AK8: variants seen among roughly 807,000 people sequenced by gnomAD.
AK8 encodes the protein adenylate kinase 8.
In AK8, 44 loss-of-function variants were observed where a neutral mutation model predicts 54.6. The ratio of observed to expected loss-of-function variants is 0.81; its 90% CI spans 0.63 to 1.04. The LOEUF (loss-of-function observed/expected upper bound fraction) is 1.04, where lower values mean the gene tolerates loss of function less well. AK8 is among the 50% of genes least tolerant of loss of function. The probability of loss-of-function intolerance (pLI) is 0.00; values close to 1 mark genes in which losing one functional copy is unlikely to be tolerated. For missense variants in AK8, 555 were observed against 613.6 expected, an observed-to-expected ratio of 0.90 and a Z score of 1.01; for synonymous variants, 239 against 245.6, an observed-to-expected ratio of 0.97 and a Z score of 0.25.
chr9:132,850,398 CT>C (rs71376665), intron 5 of AK8, among the ~76,000 whole-genome samples: 107 of 123,644 alleles, frequency 8.7e-4, no homozygotes, highest in Middle Eastern at 5.4e-3. Flanking sequence ...AACCCTAATA[CT>C]TTTTTTTTTT....
At chr9:132,854,487 G>T (rs1287258345) in intron 5 of AK8, among the ~76,000 whole-genome samples, 41 of 152,226 alleles carry the variant, frequency 2.7e-4, no homozygotes, top group Non-Finnish European at 2.9e-5. Context: ...AGGATAGGAG[G>T]CGAGAGTCTG....
At position 132,859,010 on chromosome 9, in the gene AK8, G is replaced by A. The variant is rs373345707; in HGVS notation, c.334-4085C>T. Among the ~76,000 whole-genome samples, 245 of 152,268 alleles carry A rather than the reference G, an allele frequency of 1.6e-3. 1 individual carries two copies. The highest frequency in any genetic ancestry group is 3.4e-3 in the Middle Eastern group (1 of 294). On this transcript the variant is annotated intron_variant, in intron 4 of 12. Coordinates refer to ENST00000298545, the MANE Select transcript of AK8 (RefSeq NM_152572.3). ...CCAAGCCTTCCAAAAAGGCCTGCTC[G>A]ACGCCACTGCCTGGAGCTGTTGACT...
Position 132,764,693 on chromosome 9 carries a change from G to GCC in AK8, c.1121+27939_1121+27940dup, listed in dbSNP as rs1838641877. 2.0e-5 allele frequency among the ~76,000 whole-genome samples: 3 copies of GCC among 152,150 alleles called. No homozygotes were observed. In the South Asian group the frequency reaches 6.2e-4, roughly 32 times the overall value. ...ATAAAAAGTCTCCCATCACAGAAAA[G>GCC]CCCAGGACTTGATGGCTTCACTGCT... On this transcript the variant is annotated intron_variant, in intron 11 of 12. Coordinates refer to ENST00000298545, the MANE Select transcript of AK8 (RefSeq NM_152572.3).
In AK8 at chr9:132,739,279, G is replaced by A. The variant is rs146642342; in HGVS notation, c.1122-11745C>T. ...AGCCTGGCCAAGACGGTGAGACCCC[G>A]TCTCTACTAAAGATAAGCCAGGTGT... On this transcript the variant is annotated intron_variant, in intron 11 of 12. Transcript: ENST00000298545. Among the ~76,000 whole-genome samples, 822 of 150,658 alleles carry A rather than the reference G, an allele frequency of 5.5e-3. 3 individuals carry two copies. Among genetic ancestry groups the A allele is most frequent in the African/African-American group, 0.019 (770 of 41,082 alleles).
At chr9:132,796,512 G>C (rs954925981) in intron 10 of AK8, among the ~76,000 whole-genome samples, 1 of 152,072 alleles carries the variant, frequency 6.6e-6, no homozygotes, top group Non-Finnish European at 1.5e-5. Context: ...GTTTACAATA[G>C]TGACAACTGG....
chr9:132,775,993 G>A (rs556630955), intron 11 of AK8, among the ~76,000 whole-genome samples: 1 of 152,202 alleles, frequency 6.6e-6, no homozygotes, highest in Admixed American at 6.5e-5. Flanking sequence ...CCTAGCAACA[G>A]GCTGTCATAA....
At chr9:132,810,890 T>C (rs1423226513) in intron 10 of AK8, among the ~76,000 whole-genome samples, 2 of 152,088 alleles carry the variant, frequency 1.3e-5, no homozygotes, top group Admixed American at 6.6e-5. Context: ...AAAGAAAAAT[T>C]AATGGAAAAA....
At chr9:132,772,661 A>T (rs1839035261) in intron 11 of AK8, among the ~76,000 whole-genome samples, 1 of 152,202 alleles carries the variant, frequency 6.6e-6, no homozygotes, top group South Asian at 2.1e-4. Flanking sequence ...TCTCAAGCTT[A>T]TCATGCCCAA....
chr9:132,740,358 C>A (rs1290687749), intron 11 of AK8, among the ~76,000 whole-genome samples: 2 of 152,176 alleles, frequency 1.3e-5, no homozygotes, highest in African/African-American at 4.8e-5. Context: ...CACATGCCTG[C>A]ACAAGGTTAT....
At chr9:132,776,019 G>A (rs1486541430) in intron 11 of AK8, among the ~76,000 whole-genome samples, 4 of 152,160 alleles carry the variant, frequency 2.6e-5, no homozygotes, top group Non-Finnish European at 2.9e-5. Context: ...GTTTTAACCC[G>A]AGAAAGCAGC....
intron 9 of AK8, among the ~76,000 whole-genome samples, chr9:132,820,144 G>GAAA (rs35984099): frequency 4.1e-5 from 3 of 72,696 alleles, no homozygotes; most frequent in African/African-American, 1.0e-4. Flanking sequence ...AGTAAGACCC[G>GAAA]AAAAAAAAAA....
rs375834165 is a variant in AK8 at position 132,863,695 on chromosome 9, G to A, written c.303C>T (p.Thr101=). 25 of 1,613,754 alleles carry A rather than the reference G, an allele frequency of 1.5e-5. No individual in the cohort carries two copies. The highest frequency in any genetic ancestry group is 6.6e-5 in the South Asian group (6 of 91,044). ...TTTGCAGATAAAGCCTTCTGGCTTC[G>A]GTGGCCGTATAGGAAAACTCATTTA... ...LILNEFSYTA[T]EARRLYLQRK... is the part of the protein sequence containing the mutation. The change falls in exon 4 of 13, where the codon ACC becomes ACT. Residue 101 remains threonine (T), a synonymous_variant. Coordinates refer to ENST00000298545, the MANE Select transcript of AK8 (RefSeq NM_152572.3).
rs1011868235 is a variant in AK8, at chr9:132,823,721, G to A, written c.758-385C>T. 1.1e-4 allele frequency among the ~76,000 whole-genome samples: 16 copies of A among 152,300 alleles called. 1 individual carries two copies. Among genetic ancestry groups the A allele is most frequent in the East Asian group, 5.8e-4 (3 of 5,190 alleles). ...GGCTGGTGGCTTTTCCTACTGAATC[G>A]GGCTGAGCCTCCCAACCGGAAGCCC... On this transcript the variant is annotated intron_variant, in intron 8 of 12. Coordinates refer to ENST00000298545, the MANE Select transcript of AK8 (RefSeq NM_152572.3).
intron 9 of AK8, 55 bp from the exon 10 acceptor site, chr9:132,814,782 T>C (rs1841243660): frequency 2.0e-6 from 3 of 1,500,342 alleles, no homozygotes; most frequent in Admixed American, 4.2e-5. Context: ...GGAGGAAGGA[T>C]GAGAAAAAAA....
intron 5 of AK8, among the ~76,000 whole-genome samples, chr9:132,831,644 T>C (rs1338024139): frequency 6.6e-6 from 1 of 152,178 alleles, no homozygotes; most frequent in Admixed American, 6.5e-5. Flanking sequence ...TCAGTTGCTC[T>C]AAGGTCAGAT....
Position 132,828,015 on chromosome 9 carries a change from C to A in AK8, c.554G>T (p.Gly185Val). The A allele has an allele frequency of 6.4e-7, 1 of 1,563,676 alleles. No homozygotes were observed. Among genetic ancestry groups the A allele is most frequent in the East Asian group, 2.4e-5 (1 of 42,364 alleles). ...NLGKRIDPQTGEIYHTTFDWP... is the reference protein window; with the variant it reads ...NLGKRIDPQTVEIYHTTFDWP... The stretch of plus-strand genomic sequence containing the variant: ...GGTGGGGGTGGCCGTAGCCATACCT[C>A]CAGTTTGAGGGTCGATTCTCTTCCC... The change falls in exon 7 of 13, where the codon GGA becomes GTA. Residue 185 changes from glycine to valine, a missense_variant and splice_region_variant. By Grantham distance (109) the Gly-to-Val change is moderately radical. Transcript: ENST00000298545.
At chr9:132,795,455 GT>G (rs1840123500) in intron 10 of AK8, among the ~76,000 whole-genome samples, 1 of 152,200 alleles carries the variant, frequency 6.6e-6, no homozygotes, top group Non-Finnish European at 1.5e-5. Flanking sequence ...CAGAGACCTT[GT>G]GTTTTCTTGC....
intron 5 of AK8, among the ~76,000 whole-genome samples, chr9:132,835,992 G>T (rs1396425170): frequency 2.0e-5 from 3 of 152,106 alleles, no homozygotes; most frequent in South Asian, 4.1e-4. Context: ...ACATGGTGGC[G>T]CATGCCTGTA....
chr9:132,843,210 G>T (rs577931348), intron 5 of AK8, among the ~76,000 whole-genome samples: 2 of 152,178 alleles, frequency 1.3e-5, no homozygotes, highest in East Asian at 3.9e-4. Context: ...TCATGGGGGC[G>T]GGTCCCTCAT....
Sources: gnomAD v4.1 joint callset for allele counts (sites outside exome capture counted in the v4.1 genomes callset) on GRCh38, gnomAD v4.1.1 for gene constraint, MANE v1.5 for transcripts, NCBI Gene and HGNC (gene_info 2026-07-23, HGNC 2026-07-21) for gene names.